The following RIMS3 variants were observed in gnomAD, a reference collection of about 807,000 sequenced individuals.
RIMS3 encodes regulating synaptic membrane exocytosis 3.
A neutral mutation model predicts 29.2 loss-of-function variants in RIMS3; 15 were observed. The ratio of observed to expected loss-of-function variants is 0.51; its 90% CI spans 0.34 to 0.79. The LOEUF is 0.79. RIMS3 is among the 30% of genes least tolerant of loss of function. RIMS3 has a pLI of 0.01. For missense variants in RIMS3, 342 were observed against 421.4 expected, an observed-to-expected ratio of 0.81 and a Z score of 1.65; for synonymous variants, 161 against 170.1, an observed-to-expected ratio of 0.95 and a Z score of 0.41.
At chr1:40,665,247 T>G (rs1207231441) in intron 1 of RIMS3, 147 bp downstream of exon 1, 1 of 80,948 alleles carries the variant, frequency 1.2e-5, no homozygotes, top group South Asian at 4.0e-4. Flanking sequence ...TCTCACACCC[T>G]GTGTTCATCC....
chr1:40,641,984 C>A (rs1646561951), intron 2 of RIMS3, 28 bp from the exon 3 acceptor site: 1 of 1,419,338 alleles, frequency 7.0e-7, no homozygotes, highest in Non-Finnish European at 9.9e-7. Flanking sequence ...ACAAAAGGAT[C>A]CCACATCAGA....
Position 40,641,696 on chromosome 1 carries a change from C to G in RIMS3, c.217+13G>C, listed in dbSNP as rs770891998. 1 of 1,613,868 alleles carries G rather than the reference C, an allele frequency of 6.2e-7. No individual in the cohort carries two copies. The highest frequency in any genetic ancestry group is 1.7e-5 in the Admixed American group (1 of 60,004). On this transcript the variant is annotated intron_variant, in intron 3 of 7. Transcript: ENST00000372684. ...CCCCCACCTCTACCCCGTGATGTCC[C>G]ATGCCCCCTCACCAGGCTGCGGAAG...
chr1:40,691,561 A>G, the RIMS3 span: 1 of 310,790 alleles, frequency 3.2e-6, no homozygotes, highest in Non-Finnish European at 6.5e-6. Context: ...GGGCGGGGTT[A>G]AAACTCTCAG....
At chr1:40,665,801 G>C (rs1270093597), upstream of RIMS3, 1 of 152,820 alleles carries the variant, frequency 6.5e-6, no homozygotes, top group African/African-American at 2.4e-5. Context: ...GGGAATCCGG[G>C]GAGTTTGGCT....
At chr1:40,688,261 C>A in the RIMS3 span, among the ~76,000 whole-genome samples, 7 of 152,306 alleles carry the variant, frequency 4.6e-5, no homozygotes, top group Admixed American at 3.3e-4. Context: ...CCACGCCTGG[C>A]CAGCGCTGCT....
Position 40,649,209 on chromosome 1 carries a change from G to A in RIMS3, c.-206-1367C>T, listed in dbSNP as rs551480013. On this transcript the variant is annotated intron_variant, in intron 1 of 7. Coordinates refer to ENST00000372684, the MANE Select transcript of RIMS3 (RefSeq NM_014747.3). ...CAGACACACACACACACACACACGT[G>A]CACACACACATGCAGGAAGAGACAT... is the stretch of plus-strand genomic sequence containing the variant. 4.0e-5 allele frequency among the ~76,000 whole-genome samples: 6 copies of A among 151,340 alleles called. No individual in the cohort carries two copies. In the South Asian group the frequency reaches 1.3e-3, roughly 32 times the overall value.
chr1:40,658,275 T>G (rs1268212972), intron 1 of RIMS3, among the ~76,000 whole-genome samples: 5 of 152,136 alleles, frequency 3.3e-5, no homozygotes, highest in African/African-American at 1.2e-4. Context: ...CTCTCTCTCC[T>G]CAGGCCTCTG....
chr1:40,631,862 C>T (rs978071719), intron 5 of RIMS3, among the ~76,000 whole-genome samples: 1 of 151,934 alleles, frequency 6.6e-6, no homozygotes, highest in Non-Finnish European at 1.5e-5. Context: ...ATCTCAGCTA[C>T]TCAGGAGGCT....
At chr1:40,667,701 C>T (rs1258342667), upstream of RIMS3, among the ~76,000 whole-genome samples, 4 of 151,966 alleles carry the variant, frequency 2.6e-5, no homozygotes, top group African/African-American at 9.7e-5. Context: ...TTTGTCTTAC[C>T]CGATACTAAA....
At chr1:40,628,199 G>A (rs1646467265) in intron 7 of RIMS3, among the ~76,000 whole-genome samples, 1 of 152,202 alleles carries the variant, frequency 6.6e-6, no homozygotes, top group South Asian at 2.1e-4. Context: ...CTAGGACTGA[G>A]CCCAGAGACT....
At chr1:40,683,019 C>T in the RIMS3 span, among the ~76,000 whole-genome samples, 6 of 151,986 alleles carry the variant, frequency 3.9e-5, no homozygotes, top group Non-Finnish European at 8.8e-5. Flanking sequence ...GTCACTGTGC[C>T]TGGCTGAACT....
chr1:40,689,758 A>G, the RIMS3 span, among the ~76,000 whole-genome samples: 2 of 152,200 alleles, frequency 1.3e-5, no homozygotes, highest in Non-Finnish European at 2.9e-5. Flanking sequence ...TATTAGGCTT[A>G]TATGTATCAA....
At chr1:40,650,229 C>A (rs778769000) in intron 1 of RIMS3, among the ~76,000 whole-genome samples, 15 of 152,322 alleles carry the variant, frequency 9.8e-5, no homozygotes, top group African/African-American at 3.4e-4. Context: ...CACCCAGCAG[C>A]CATGCCCCCT....
At chr1:40,641,486 T>C (rs1248151462) in intron 3 of RIMS3, among the ~76,000 whole-genome samples, 4 of 152,248 alleles carry the variant, frequency 2.6e-5, no homozygotes, top group Admixed American at 2.6e-4. Context: ...TTGAAGCATC[T>C]GACCTCCCTT....
rs1329738896 is a variant in RIMS3, at chr1:40,621,864, C to T, written c.*4653G>A. 6.6e-6 allele frequency: 1 copy of T among 152,320 alleles called. No individual in the cohort carries two copies. Among genetic ancestry groups the T allele is most frequent in the South Asian group, 2.1e-4 (1 of 4,834 alleles). The allele number at this position is 152,320 out of a possible 1,614,324, so 9.4% of individuals were successfully genotyped here. A position where few individuals can be genotyped will look rare whatever the true frequency, so the allele number is the denominator to read the frequency against. ...CATCATTGTGAACTCCTTGGGAGGCCCAAGGCCCTGTCCTTACTGGCCAAG... is the reference window on the plus strand; with the variant it reads ...CATCATTGTGAACTCCTTGGGAGGCTCAAGGCCCTGTCCTTACTGGCCAAG... On this transcript the variant is annotated 3_prime_UTR_variant, in exon 8 of 8. Transcript: ENST00000372684.
rs1642372162 is a variant in RIMS3 at position 40,662,901 on chromosome 1, G to T, written c.-207+2493C>A. Among the ~76,000 whole-genome samples the T allele has an allele frequency of 2.6e-5, 4 of 152,278 alleles. No individual in the cohort carries two copies. In the South Asian group the frequency reaches 8.3e-4, roughly 32 times the overall value. On this transcript the variant is annotated intron_variant, in intron 1 of 7. Transcript: ENST00000372684. ...GTTGGAAGCGGAAGGCATTAGATTT[G>T]AATCCTGTCTGTCTGATGCCCAAGT...
At chr1:40,671,299 G>A in the RIMS3 span, among the ~76,000 whole-genome samples, 4 of 152,246 alleles carry the variant, frequency 2.6e-5, no homozygotes, top group Non-Finnish European at 4.4e-5. Flanking sequence ...GGACATCCCA[G>A]ATGAGGGCTG....
At chr1:40,681,978 T>G in the RIMS3 span, among the ~76,000 whole-genome samples, 27 of 152,136 alleles carry the variant, frequency 1.8e-4, no homozygotes, top group Non-Finnish European at 3.1e-4. Flanking sequence ...GAATTACAGG[T>G]GCCCACCACC....
chr1:40,630,491 A>G (rs1459727424), intron 5 of RIMS3, among the ~76,000 whole-genome samples: 1 of 152,182 alleles, frequency 6.6e-6, no homozygotes, highest in Admixed American at 6.5e-5. Flanking sequence ...TTTTTAGATT[A>G]TCTGAGCCAT....
Sources: allele counts gnomAD v4.1 joint callset (sites outside exome capture counted in the v4.1 genomes callset), GRCh38; gene constraint gnomAD v4.1.1; transcripts MANE v1.5; gene names NCBI Gene and HGNC (gene_info 2026-07-23, HGNC 2026-07-21).